THSD7B: variants seen among roughly 807,000 people sequenced by gnomAD.
THSD7B encodes thrombospondin type 1 domain containing 7B.
A neutral mutation model predicts 213.6 loss-of-function variants in THSD7B; 138 were observed. That is an observed-to-expected ratio of 0.65 (90% CI 0.56 to 0.74). THSD7B has a LOEUF of 0.74. Ranked by LOEUF, THSD7B falls within the 30% of genes least tolerant of loss-of-function variation. The pLI, the probability that THSD7B is intolerant of heterozygous loss-of-function variation, is 0.00. For synonymous variants in THSD7B, 742 were observed against 687.0 expected, an observed-to-expected ratio of 1.08 and a Z score of -1.25; for missense variants, 1,931 against 1,991.5, an observed-to-expected ratio of 0.97 and a Z score of 0.58.
At chr2:137,589,843 C>G (rs1000807024) in intron 17 of THSD7B, among the ~76,000 whole-genome samples, 2 of 152,170 alleles carry the variant, frequency 1.3e-5, no homozygotes, top group Admixed American at 1.3e-4. Flanking sequence ...ATTCCTGATT[C>G]ACGCAGCAAT....
At chr2:137,427,490 G>A (rs1573619496) in intron 14 of THSD7B, among the ~76,000 whole-genome samples, 1 of 151,816 alleles carries the variant, frequency 6.6e-6, no homozygotes, top group African/African-American at 2.4e-5. Context: ...GCTTGTGTGT[G>A]TGTGTAATGA....
rs374813265 is a variant in THSD7B at position 137,274,600 on chromosome 2, T to A, written c.2397-1323T>A. ...GGTTTTTGAAAGTTTAATAAAGGAA[T>A]TCCAAAAATTTCTTTCCTCCATTTC... is the stretch of plus-strand genomic sequence containing the variant. On this transcript the variant is annotated intron_variant, in intron 11 of 27. Coordinates refer to ENST00000409968, the MANE Select transcript of THSD7B (RefSeq NM_001316349.2). Among the ~76,000 whole-genome samples the A allele has an allele frequency of 3.3e-5, 5 of 152,000 alleles. No homozygotes were observed. The East Asian group carries it at 9.7e-4, about 29-fold the overall frequency.
chr2:137,014,745 C>T (rs975808903), intron 2 of THSD7B, among the ~76,000 whole-genome samples: 6 of 152,164 alleles, frequency 3.9e-5, no homozygotes, highest in Non-Finnish European at 8.8e-5. Context: ...TCAGATTTTC[C>T]CTCCACAGTC....
chr2:137,637,404 C>G (rs1682853730), intron 20 of THSD7B, among the ~76,000 whole-genome samples: 1 of 152,088 alleles, frequency 6.6e-6, no homozygotes, highest in East Asian at 1.9e-4. Flanking sequence ...GCATCAGGTC[C>G]AGTAATTTTC....
At chr2:136,836,204 G>A (rs2104951477) in intron 1 of THSD7B, among the ~76,000 whole-genome samples, 1 of 152,298 alleles carries the variant, frequency 6.6e-6, no homozygotes, top group African/African-American at 2.4e-5. Flanking sequence ...GTGTATGTGA[G>A]CTGCAATGCA....
intron 3 of THSD7B, among the ~76,000 whole-genome samples, chr2:137,064,667 T>G (rs1687342732): frequency 6.6e-6 from 1 of 152,060 alleles, no homozygotes; most frequent in Admixed American, 6.6e-5. Flanking sequence ...TCTTTAATTT[T>G]TATTTGATTT....
intron 17 of THSD7B, among the ~76,000 whole-genome samples, chr2:137,583,481 T>A (rs1274746362): frequency 1.3e-5 from 2 of 152,218 alleles, no homozygotes; most frequent in South Asian, 4.1e-4. Flanking sequence ...GGTCTAACAT[T>A]TAAGTCTTAA....
At chr2:136,944,192 T>C (rs529856659) in intron 2 of THSD7B, among the ~76,000 whole-genome samples, 2 of 152,338 alleles carry the variant, frequency 1.3e-5, no homozygotes, top group South Asian at 2.1e-4. Flanking sequence ...TTGTGCTGTT[T>C]TGAGTGAGTT....
chr2:136,934,326 T>C (rs1170947207), intron 2 of THSD7B, among the ~76,000 whole-genome samples: 3 of 152,210 alleles, frequency 2.0e-5, no homozygotes, highest in African/African-American at 7.2e-5. Flanking sequence ...CACATTATTT[T>C]TGGCTGAAAA....
At chr2:137,495,056 A>G (rs770040630) in intron 15 of THSD7B, among the ~76,000 whole-genome samples, 19 of 151,992 alleles carry the variant, frequency 1.3e-4, no homozygotes, top group Admixed American at 2.0e-4. Context: ...ACCACAGTCT[A>G]ATTGTTTGTT....
At chr2:136,953,608 T>C (rs1685077008) in intron 2 of THSD7B, among the ~76,000 whole-genome samples, 1 of 152,198 alleles carries the variant, frequency 6.6e-6, no homozygotes, top group Non-Finnish European at 1.5e-5. Context: ...CAGACTTAAA[T>C]GGAGCATCAC....
chr2:137,242,477 C>T lies in THSD7B; in HGVS notation c.2171C>T (p.Pro724Leu). Residue 724 changes from proline to leucine, a missense_variant, in exon 10 of 28, where the codon CCT becomes CTT. Physicochemically the swap from Pro to Leu is moderately conservative, Grantham distance 98. Coordinates refer to ENST00000409968, the MANE Select transcript of THSD7B (RefSeq NM_001316349.2). Reference sequence around the variant, plus strand: ...GACAGATGTCCAGATTCTACTCGACCTGAAACTGTGCGCCCCTGTTTTCTC... The same window carrying T: ...GACAGATGTCCAGATTCTACTCGACTTGAAACTGTGCGCCCCTGTTTTCTC... ...MTKRCPDSTR[P>L]ETVRPCFLPC... is the part of the protein sequence containing the mutation. 1 of 1,613,820 alleles carries T rather than the reference C, an allele frequency of 6.2e-7. No individual in the cohort carries two copies. The highest frequency in any genetic ancestry group is 8.5e-7 in the Non-Finnish European group (1 of 1,179,766).
At position 137,668,632 on chromosome 2, in the gene THSD7B, G is replaced by A. The variant is rs546288970; in HGVS notation, c.4739+771G>A. Among the ~76,000 whole-genome samples the A allele has an allele frequency of 5.9e-5, 9 of 152,132 alleles. 1 individual carries two copies. In the South Asian group the frequency reaches 6.2e-4, roughly 11 times the overall value. The stretch of plus-strand genomic sequence containing the variant: ...TGGGGTGCCTACTCCCCACACAGTC[G>A]AAAATTCAAGTATAATTTATGACTC... On this transcript the variant is annotated intron_variant, in intron 27 of 27. Coordinates refer to ENST00000409968, the MANE Select transcript of THSD7B (RefSeq NM_001316349.2).
At chr2:136,805,396 C>CA (rs1275040056) in intron 1 of THSD7B, among the ~76,000 whole-genome samples, 2 of 152,142 alleles carry the variant, frequency 1.3e-5, no homozygotes, top group African/African-American at 4.8e-5. Flanking sequence ...GCATCCCCAC[C>CA]AATAGGAGGG....
chr2:137,380,132 C>G (rs771116458), intron 12 of THSD7B, among the ~76,000 whole-genome samples: 2 of 152,040 alleles, frequency 1.3e-5, no homozygotes, highest in Non-Finnish European at 2.9e-5. Context: ...CACATTTGGG[C>G]CAGGCACAGT....
At chr2:137,643,893 C>T (rs1172747717) in intron 21 of THSD7B, among the ~76,000 whole-genome samples, 1 of 152,150 alleles carries the variant, frequency 6.6e-6, no homozygotes, top group Non-Finnish European at 1.5e-5. Context: ...GTTTTTGGCA[C>T]TTTCTCTTTT....
chr2:137,538,600 C>G (rs1010342178), intron 15 of THSD7B: 4 of 466,750 alleles, frequency 8.6e-6, no homozygotes, highest in African/African-American at 8.2e-5. Context: ...AAATTCTGAT[C>G]AAAACATTGT....
At chr2:137,561,875 C>A (rs933607241) in intron 15 of THSD7B, among the ~76,000 whole-genome samples, 1 of 152,114 alleles carries the variant, frequency 6.6e-6, no homozygotes, top group Admixed American at 6.6e-5. Flanking sequence ...CCCATTTCCA[C>A]TTCTATTTTC....
chr2:137,457,571 G>A (rs1414144205), intron 15 of THSD7B, among the ~76,000 whole-genome samples: 2 of 152,120 alleles, frequency 1.3e-5, no homozygotes, highest in Non-Finnish European at 2.9e-5. Context: ...AGCTTCAACA[G>A]GAAAATCAAA....
Sources: gnomAD v4.1 joint callset for allele counts (sites outside exome capture counted in the v4.1 genomes callset) on GRCh38, gnomAD v4.1.1 for gene constraint, MANE v1.5 for transcripts, NCBI Gene and HGNC (gene_info 2026-07-23, HGNC 2026-07-21) for gene names.